Variants in RAB38 observed in about 807,000 individuals in gnomAD.
RAB38 encodes the protein ras-related protein Rab-38.
A neutral mutation model predicts 18.4 loss-of-function variants in RAB38; 15 were observed. The ratio of observed to expected loss-of-function variants is 0.82; its 90% CI spans 0.55 to 1.26. RAB38 has a LOEUF of 1.26. RAB38 is among the 50% of genes most tolerant of loss of function. RAB38 has a pLI of 0.00. For synonymous variants in RAB38, 101 were observed against 104.4 expected, an observed-to-expected ratio of 0.97 and a Z score of 0.20; for missense variants, 294 against 267.4, an observed-to-expected ratio of 1.10 and a Z score of -0.69.
intron 2 of RAB38, among the ~76,000 whole-genome samples, chr11:88,137,395 C>T (rs1942849596): frequency 6.6e-6 from 1 of 152,144 alleles, no homozygotes; most frequent in Non-Finnish European, 1.5e-5. Context: ...AATCAACTAT[C>T]ACATTCTTAG....
At chr11:87,846,337 C>T in the RAB38 span, among the ~76,000 whole-genome samples, 33 of 152,012 alleles carry the variant, frequency 2.2e-4, no homozygotes, top group Admixed American at 5.9e-4. Flanking sequence ...TAACTATATG[C>T]TGCTACAAGA....
At chr11:87,972,678 G>A in the RAB38 span, among the ~76,000 whole-genome samples, 45 of 152,118 alleles carry the variant, frequency 3.0e-4, no homozygotes, top group African/African-American at 9.6e-4. Context: ...TCTTTGCAAC[G>A]AAGTTTCCAG....
the RAB38 span, among the ~76,000 whole-genome samples, chr11:88,034,514 G>T: frequency 6.6e-6 from 1 of 152,162 alleles, no homozygotes; most frequent in Admixed American, 6.5e-5. Context: ...AGTATTTGAT[G>T]ATATCATAAA....
At chr11:87,950,932 T>C in the RAB38 span, among the ~76,000 whole-genome samples, 1 of 152,212 alleles carries the variant, frequency 6.6e-6, no homozygotes, top group African/African-American at 2.4e-5. Context: ...AATGTTGGCC[T>C]GCCTTGCTAG....
rs553928081 is a variant in RAB38 at position 88,118,204 on chromosome 11, T to G, written c.484-4064A>C. ...ATGGGCAGAGCACCTGGTTCCAGCA[T>G]GCAAGGTAGGAGCATGCAACCAGGA... On this transcript the variant is annotated intron_variant, in intron 2 of 2. Coordinates refer to ENST00000243662, the MANE Select transcript of RAB38 (RefSeq NM_022337.3). Among the ~76,000 whole-genome samples, 133 of 152,368 alleles carry G rather than the reference T, an allele frequency of 8.7e-4. 2 individuals are homozygous for G. The highest frequency in any genetic ancestry group is 3.2e-3 in the African/African-American group (132 of 41,584).
the RAB38 span, among the ~76,000 whole-genome samples, chr11:87,907,972 T>C: frequency 6.6e-6 from 1 of 151,842 alleles, no homozygotes; most frequent in Non-Finnish European, 1.5e-5. Context: ...TGATGTCTGA[T>C]TTACTGATTC....
At chr11:87,848,955 T>C in the RAB38 span, among the ~76,000 whole-genome samples, 1 of 152,126 alleles carries the variant, frequency 6.6e-6, no homozygotes, top group Non-Finnish European at 1.5e-5. Context: ...CATTTTATGC[T>C]AATAAAAATG....
the RAB38 span, among the ~76,000 whole-genome samples, chr11:87,825,436 G>A: frequency 2.0e-5 from 3 of 152,010 alleles, no homozygotes; most frequent in African/African-American, 7.2e-5. Context: ...TGGCTTCCTC[G>A]AAGTCCCTCT....
the RAB38 span, among the ~76,000 whole-genome samples, chr11:88,064,371 A>C: frequency 0.011 from 1,723 of 152,328 alleles, 9 homozygotes; most frequent in Non-Finnish European, 0.02. Context: ...GGTTAATGGC[A>C]TGTGGATGGA....
the RAB38 span, among the ~76,000 whole-genome samples, chr11:87,922,861 G>A: frequency 6.6e-6 from 1 of 150,736 alleles, no homozygotes; most frequent in East Asian, 2.0e-4. Flanking sequence ...CAGAGAGGAG[G>A]AATAAAGGAA....
At chr11:88,111,317 C>T (rs1942470444), downstream of RAB38, among the ~76,000 whole-genome samples, 1 of 152,038 alleles carries the variant, frequency 6.6e-6, no homozygotes, top group Non-Finnish European at 1.5e-5. Context: ...CTTTCTGCTC[C>T]ACTATCTAGT....
At chr11:87,824,845 G>GTT in the RAB38 span, among the ~76,000 whole-genome samples, 1 of 152,106 alleles carries the variant, frequency 6.6e-6, no homozygotes, top group Non-Finnish European at 1.5e-5. Context: ...AACTTTCCCA[G>GTT]TAATCAAGAA....
chr11:88,155,423 T>C (rs1943113059), intron 1 of RAB38, among the ~76,000 whole-genome samples: 1 of 150,690 alleles, frequency 6.6e-6, no homozygotes, highest in Non-Finnish European at 1.5e-5. Context: ...CAGAAAGAAG[T>C]ACATAAGGCT....
At chr11:88,149,331 C>T (rs1040936428) in intron 2 of RAB38, among the ~76,000 whole-genome samples, 1 of 152,184 alleles carries the variant, frequency 6.6e-6, no homozygotes, top group Admixed American at 6.5e-5. Flanking sequence ...TACTATAAAA[C>T]CATACTCACC....
chr11:88,026,495 G>A, the RAB38 span, among the ~76,000 whole-genome samples: 103 of 149,762 alleles, frequency 6.9e-4, no homozygotes, highest in African/African-American at 2.2e-3. Flanking sequence ...CCCGGGAGGC[G>A]GAGGTTGCAG....
the RAB38 span, among the ~76,000 whole-genome samples, chr11:88,020,329 C>T: frequency 2.6e-5 from 4 of 151,970 alleles, no homozygotes; most frequent in African/African-American, 9.7e-5. Flanking sequence ...AATAGATTTC[C>T]AGACAAAAAC....
At chr11:87,867,714 T>C in the RAB38 span, among the ~76,000 whole-genome samples, 1 of 151,756 alleles carries the variant, frequency 6.6e-6, no homozygotes, top group African/African-American at 2.4e-5. Flanking sequence ...AATATTTAAC[T>C]AGTGCTTACC....
the RAB38 span, chr11:87,814,926 G>C: frequency 1.3e-5 from 2 of 152,048 alleles, no homozygotes; most frequent in Non-Finnish European, 2.9e-5. Context: ...GTAGAGACAG[G>C]GTTTCACCAT....
chr11:87,959,659 G>A, the RAB38 span, among the ~76,000 whole-genome samples: 1 of 152,048 alleles, frequency 6.6e-6, no homozygotes, highest in African/African-American at 2.4e-5. Flanking sequence ...TCTCACCAAG[G>A]GAATATGAGC....
Sources: gnomAD v4.1 joint callset for allele counts (sites outside exome capture counted in the v4.1 genomes callset) on GRCh38, gnomAD v4.1.1 for gene constraint, MANE v1.5 for transcripts, NCBI Gene and HGNC (gene_info 2026-07-23, HGNC 2026-07-21) for gene names.